RIGI: variants seen among roughly 807,000 people sequenced by gnomAD.
The protein encoded by RIGI is RNA sensor RIG-I.
chr9:32,468,341 T>G, the RIGI span, among the ~76,000 whole-genome samples: 1 of 152,166 alleles, frequency 6.6e-6, no homozygotes, highest in Non-Finnish European at 1.5e-5. Context: ...GCCCTATAGG[T>G]CAAAGGGTAA....
the RIGI span, chr9:32,491,369 T>C: frequency 6.2e-7 from 1 of 1,613,096 alleles, no homozygotes; most frequent in Admixed American, 1.7e-5. Context: ...AATCTGTATG[T>C]CAGAAGTTTC....
chr9:32,477,111 T>C, the RIGI span: 6 of 1,613,438 alleles, frequency 3.7e-6, no homozygotes, highest in East Asian at 2.2e-5. Context: ...CTGGAAACAC[T>C]TTCTAGTTCC....
chr9:32,491,239 A>T, the RIGI span: 3 of 1,576,368 alleles, frequency 1.9e-6, no homozygotes, highest in Non-Finnish European at 2.6e-6. Flanking sequence ...ACTGCAAAAC[A>T]AGCCCCCACA....
chr9:32,457,482 TTAA>T, the RIGI span: 1 of 1,105,732 alleles, frequency 9.0e-7, no homozygotes, highest in South Asian at 2.6e-5. Context: ...TAATTGTGAT[TTAA>T]AAAAAAAAAA....
At chr9:32,474,106 A>T in the RIGI span, among the ~76,000 whole-genome samples, 1 of 145,518 alleles carries the variant, frequency 6.9e-6, no homozygotes, top group South Asian at 2.3e-4. Context: ...GGAGGCTGAG[A>T]TGGGAGAATC....
the RIGI span, chr9:32,456,960 C>T: frequency 4.6e-5 from 28 of 607,494 alleles, no homozygotes; most frequent in East Asian, 1.4e-4. Context: ...GTGATTCACT[C>T]ATTTGTGCTT....
At chr9:32,485,586 G>C in the RIGI span, 1 of 429,484 alleles carries the variant, frequency 2.3e-6, no homozygotes, top group South Asian at 1.8e-5. Flanking sequence ...TGTCACCCAG[G>C]CTGGAGTACA....
the RIGI span, chr9:32,456,249 G>C: frequency 4.6e-5 from 7 of 152,132 alleles, no homozygotes; most frequent in Admixed American, 4.6e-4. Context: ...AATAGGGCAA[G>C]ATGTATAGTA....
the RIGI span, chr9:32,480,337 G>C: frequency 1.0e-5 from 16 of 1,600,898 alleles, no homozygotes; most frequent in Non-Finnish European, 1.4e-5. Flanking sequence ...CACTGATAAT[G>C]AGGGCATCAT....
chr9:32,459,450 G>A, the RIGI span: 24 of 1,613,500 alleles, frequency 1.5e-5, no homozygotes, highest in Non-Finnish European at 1.9e-5. Context: ...TTCCTTATCA[G>A]GTACAGGTTT....
the RIGI span, among the ~76,000 whole-genome samples, chr9:32,476,307 G>A: frequency 6.6e-6 from 1 of 152,074 alleles, no homozygotes; most frequent in Admixed American, 6.6e-5. Context: ...ACCAGTCTAG[G>A]CAACATAACA....
chr9:32,455,417 TGAGA>T, the RIGI span, among the ~76,000 whole-genome samples: 2 of 151,998 alleles, frequency 1.3e-5, no homozygotes, highest in East Asian at 1.9e-4. Context: ...TGGCAGCAGA[TGAGA>T]GAGAGAGTGT....
chr9:32,517,568 G>C, the RIGI span, among the ~76,000 whole-genome samples: 3 of 152,184 alleles, frequency 2.0e-5, no homozygotes, highest in Non-Finnish European at 4.4e-5. Flanking sequence ...AATGTCTTCA[G>C]AATTGTCAGC....
chr9:32,475,761 G>A, the RIGI span, among the ~76,000 whole-genome samples: 1 of 152,050 alleles, frequency 6.6e-6, no homozygotes, highest in Non-Finnish European at 1.5e-5. Context: ...GTAAGCAAAG[G>A]ATTTTTAGAG....
At chr9:32,524,782 C>T in the RIGI span, among the ~76,000 whole-genome samples, 5 of 151,230 alleles carry the variant, frequency 3.3e-5, no homozygotes, top group Non-Finnish European at 7.4e-5. Flanking sequence ...TTGTATTTTT[C>T]GGTAGAGACG....
chr9:32,464,151 C>T, the RIGI span, among the ~76,000 whole-genome samples: 1 of 151,814 alleles, frequency 6.6e-6, no homozygotes, highest in Non-Finnish European at 1.5e-5. Context: ...GTACTCTGCT[C>T]ATCCCTCTCC....
the RIGI span, among the ~76,000 whole-genome samples, chr9:32,514,442 G>T: frequency 6.6e-6 from 1 of 152,068 alleles, no homozygotes; most frequent in Non-Finnish European, 1.5e-5. Flanking sequence ...GGATGAAGCT[G>T]GAAACCATCA....
chr9:32,504,740 T>C, the RIGI span, among the ~76,000 whole-genome samples: 3 of 139,460 alleles, frequency 2.2e-5, no homozygotes, highest in East Asian at 6.2e-4. Context: ...AAAATATATT[T>C]AATACATAAA....
chr9:32,509,071 C>A, the RIGI span, among the ~76,000 whole-genome samples: 7 of 152,258 alleles, frequency 4.6e-5, no homozygotes, highest in Non-Finnish European at 2.9e-5. Flanking sequence ...CTAGGCAGGG[C>A]ATCTCTGAAA....
Sources: gnomAD v4.1 joint callset for allele counts (sites outside exome capture counted in the v4.1 genomes callset) on GRCh38, gnomAD v4.1.1 for gene constraint, MANE v1.5 for transcripts, NCBI Gene and HGNC (gene_info 2026-07-23, HGNC 2026-07-21) for gene names.